Variants in KIF3C observed in about 807,000 individuals in gnomAD.
KIF3C encodes the protein kinesin-like protein KIF3C.
A neutral mutation model predicts 67.7 loss-of-function variants in KIF3C; 12 were observed. That is an observed-to-expected ratio of 0.18 (90% CI 0.11 to 0.29). The LOEUF (loss-of-function observed/expected upper bound fraction) is 0.29, where lower values mean the gene tolerates loss of function less well. KIF3C is among the 10% of genes least tolerant of loss of function. The pLI, the probability that KIF3C is intolerant of heterozygous loss-of-function variation, is 1.00. For synonymous variants in KIF3C, 393 were observed against 426.2 expected (o/e 0.92, Z 0.96); for missense variants, 789 against 1,059.6 (o/e 0.74, Z 3.55).
chr2:25,982,020 G>T lies in KIF3C; in HGVS notation c.-103C>A. The T allele has an allele frequency of 1.1e-6, 1 of 950,772 alleles. No homozygotes were observed. Among genetic ancestry groups the T allele is most frequent in the Non-Finnish European group, 1.5e-6 (1 of 655,966 alleles). 58.9% of individuals were successfully genotyped at this position (950,772 alleles called of 1,614,324 possible). ...TCAGCGGGGCCGGCCCAGCCCCCAGGCGCAGCTCTTCAATCCGCATGCAGC... is the reference window on the plus strand; with the variant it reads ...TCAGCGGGGCCGGCCCAGCCCCCAGTCGCAGCTCTTCAATCCGCATGCAGC... On this transcript the variant is annotated 5_prime_UTR_variant, in exon 1 of 8. Coordinates refer to ENST00000264712, the MANE Select transcript of KIF3C (RefSeq NM_002254.8).
chr2:25,928,377 G>A lies in KIF3C; in HGVS notation c.*601C>T, dbSNP rs1486050878. On this transcript the variant is annotated 3_prime_UTR_variant, in exon 8 of 8. Transcript: ENST00000264712. ...AAGCTGAAGGGCATGAGCTATGTTG[G>A]TGAGGTTATTAATGTCCTTGAAAAG... The A allele has an allele frequency of 2.0e-5, 3 of 152,414 alleles. No individual in the cohort carries two copies. Among genetic ancestry groups the A allele is most frequent in the East Asian group, 3.9e-4 (2 of 5,182 alleles). The allele number at this position is 152,414 out of a possible 1,614,324, so 9.4% of individuals were successfully genotyped here.
At chr2:25,952,530 T>A (rs1663644821) in intron 4 of KIF3C, among the ~76,000 whole-genome samples, 2 of 92,990 alleles carry the variant, frequency 2.2e-5, no homozygotes, top group African/African-American at 1.3e-4. Context: ...TATATATGTG[T>A]GTGTGTGTGT....
chr2:25,946,779 G>A (rs1392352314), intron 5 of KIF3C, among the ~76,000 whole-genome samples: 1 of 152,106 alleles, frequency 6.6e-6, no homozygotes, highest in African/African-American at 2.4e-5. Context: ...ACATGAGTCT[G>A]GGAGGTGGAG....
At chr2:25,939,032 C>T (rs931630683) in intron 5 of KIF3C, among the ~76,000 whole-genome samples, 1 of 152,066 alleles carries the variant, frequency 6.6e-6, no homozygotes, top group African/African-American at 2.4e-5. Flanking sequence ...CTCACTCTGT[C>T]ACCCAGGCTG....
intron 5 of KIF3C, among the ~76,000 whole-genome samples, chr2:25,947,339 TG>T (rs1263672638): frequency 6.6e-6 from 1 of 151,954 alleles, no homozygotes; most frequent in Non-Finnish European, 1.5e-5. Flanking sequence ...CCCAGCACTT[TG>T]GGAGGCCGGG....
At chr2:25,954,778 T>C (rs905633630) in intron 3 of KIF3C, among the ~76,000 whole-genome samples, 1 of 152,170 alleles carries the variant, frequency 6.6e-6, no homozygotes, top group African/African-American at 2.4e-5. Flanking sequence ...CGGGGCTTAT[T>C]TGGAGACCCA....
At chr2:25,969,427 C>T (rs895566476) in intron 1 of KIF3C, among the ~76,000 whole-genome samples, 2 of 151,862 alleles carry the variant, frequency 1.3e-5, no homozygotes, top group Admixed American at 1.3e-4. Context: ...CAGAAATCAC[C>T]ACTAAAGAAC....
chr2:25,973,317 G>A (rs1664325612), intron 1 of KIF3C, among the ~76,000 whole-genome samples: 1 of 152,098 alleles, frequency 6.6e-6, no homozygotes, highest in African/African-American at 2.4e-5. Context: ...ACTTTGGGAG[G>A]CTGAGGTGGG....
intron 5 of KIF3C, among the ~76,000 whole-genome samples, chr2:25,942,842 C>T (rs796996616): frequency 2.0e-5 from 3 of 152,192 alleles, no homozygotes; most frequent in African/African-American, 7.2e-5. Context: ...GCTAAACTTC[C>T]AAAATAAGTT....
chr2:25,933,272 A>AT (rs994559378), intron 5 of KIF3C, among the ~76,000 whole-genome samples: 16 of 151,828 alleles, frequency 1.1e-4, no homozygotes, highest in African/African-American at 3.9e-4. Flanking sequence ...AAAAAAAAAA[A>AT]GGGCAAAGGA....
intron 1 of KIF3C, among the ~76,000 whole-genome samples, chr2:25,971,963 G>A (rs1051400696): frequency 7.1e-6 from 1 of 140,806 alleles, no homozygotes; most frequent in African/African-American, 2.7e-5. Flanking sequence ...CTGGCCTCAA[G>A]TGATCCTCCT....
intron 1 of KIF3C, among the ~76,000 whole-genome samples, chr2:25,975,975 A>G (rs935452422): frequency 6.6e-6 from 1 of 152,038 alleles, no homozygotes; most frequent in African/African-American, 2.4e-5. Flanking sequence ...AAACAAGAAC[A>G]ATAACAGCAC....
intron 5 of KIF3C, chr2:25,934,119 C>A (rs751838228): frequency 2.1e-6 from 1 of 470,046 alleles, no homozygotes; most frequent in South Asian, 1.6e-5. Flanking sequence ...TCAGTCGCAA[C>A]GGACTACATA....
At chr2:25,959,246 C>T (rs1663885200) in intron 1 of KIF3C, among the ~76,000 whole-genome samples, 1 of 152,110 alleles carries the variant, frequency 6.6e-6, no homozygotes, top group South Asian at 2.1e-4. Flanking sequence ...CTTTCGGGCC[C>T]CCTCAGTAAC....
chr2:25,970,241 T>C (rs1316714433), intron 1 of KIF3C, among the ~76,000 whole-genome samples: 2 of 152,196 alleles, frequency 1.3e-5, no homozygotes, highest in Non-Finnish European at 2.9e-5. Flanking sequence ...GGCTCGTAAC[T>C]CTGGCCCTAC....
Position 25,955,758 on chromosome 2 carries a change from GACCTGGCTTC to G in KIF3C, c.1648-105_1648-96del. The G allele has an allele frequency of 1.4e-6, 2 of 1,469,072 alleles. No homozygotes were observed. Among genetic ancestry groups the G allele is most frequent in the Non-Finnish European group, 1.9e-6 (2 of 1,073,116 alleles). The allele number at this position is 1,469,072 out of a possible 1,614,324, so 91.0% of individuals were successfully genotyped here. ...GACTGGCTCACTCTGCCTGTCTCGG[GACCTGGCTTC>G]ACCATGGCCCATGGCCCACATCCAC... On this transcript the variant is annotated intron_variant, in intron 2 of 7. Coordinates refer to ENST00000264712, the MANE Select transcript of KIF3C (RefSeq NM_002254.8). The surrounding 1 kb of genome is among the most constrained non-coding windows in gnomAD (Gnocchi z 5.0).
intron 1 of KIF3C, among the ~76,000 whole-genome samples, chr2:25,976,715 G>A (rs989452558): frequency 6.6e-5 from 10 of 152,078 alleles, no homozygotes; most frequent in Admixed American, 4.6e-4. Context: ...AGCTGAGATC[G>A]TGCCATTGCA....
chr2:25,934,457 T>C (rs1355913988), intron 5 of KIF3C, among the ~76,000 whole-genome samples: 1 of 151,948 alleles, frequency 6.6e-6, no homozygotes, highest in Admixed American at 6.6e-5. Context: ...TGCATGCCTG[T>C]AATTCCAGCT....
At chr2:25,945,462 G>C (rs1663405922) in intron 5 of KIF3C, among the ~76,000 whole-genome samples, 1 of 150,056 alleles carries the variant, frequency 6.7e-6, no homozygotes, top group Non-Finnish European at 1.5e-5. Context: ...AGCTACTTAG[G>C]AGGCTGAGGC....
Sources: gnomAD v4.1 joint callset for allele counts (sites outside exome capture counted in the v4.1 genomes callset) on GRCh38, gnomAD v4.1.1 for gene constraint, Gnocchi (gnomAD v3.1) non-coding constraint, MANE v1.5 for transcripts, NCBI Gene and HGNC (gene_info 2026-07-23, HGNC 2026-07-21) for gene names.